ZFHX3: variants seen among roughly 807,000 people sequenced by gnomAD.
ZFHX3 encodes zinc finger homeobox 3, also known as zinc finger homeobox protein 3.
Under a neutral mutation model 279.1 loss-of-function variants are expected in ZFHX3, and 42 were observed. That is an observed-to-expected ratio of 0.15 (90% CI 0.12 to 0.19). The LOEUF is 0.19. Ranked by LOEUF, ZFHX3 falls within the 10% of genes least tolerant of loss-of-function variation. The pLI, the probability that ZFHX3 is intolerant of heterozygous loss-of-function variation, is 1.00. For synonymous variants in ZFHX3, 2,293 were observed against 1,957.8 expected, an observed-to-expected ratio of 1.17 and a Z score of -4.52; for missense variants, 4,981 against 4,754.0, an observed-to-expected ratio of 1.05 and a Z score of -1.40.
intron 3 of ZFHX3, among the ~76,000 whole-genome samples, chr16:73,429,224 G>C (rs374749402): frequency 4.6e-5 from 7 of 152,188 alleles, no homozygotes; most frequent in African/African-American, 1.7e-4. Context: ...AGTAGGTAAA[G>C]TAAGCTATAG....
At chr16:73,823,835 GA>G (rs1463144381) in intron 1 of ZFHX3, among the ~76,000 whole-genome samples, 1 of 152,186 alleles carries the variant, frequency 6.6e-6, no homozygotes, top group Non-Finnish European at 1.5e-5. Flanking sequence ...ACACCTGCAA[GA>G]AACAAACTTG....
intron 2 of ZFHX3, among the ~76,000 whole-genome samples, chr16:73,484,248 A>T (rs1330597154): frequency 6.6e-6 from 1 of 152,132 alleles, no homozygotes; most frequent in East Asian, 1.9e-4. Context: ...GGGTGCAGAG[A>T]ACATCTCTTC....
At chr16:73,350,314 C>T (rs2016214679) in intron 3 of ZFHX3, among the ~76,000 whole-genome samples, 1 of 152,206 alleles carries the variant, frequency 6.6e-6, no homozygotes, top group Admixed American at 6.5e-5. Flanking sequence ...TTCTTGCAGT[C>T]TAATTGGCTG....
intron 3 of ZFHX3, among the ~76,000 whole-genome samples, chr16:73,416,855 C>T (rs1169421172): frequency 6.6e-6 from 1 of 151,626 alleles, no homozygotes; most frequent in East Asian, 1.9e-4. Context: ...GCCTGGGCGA[C>T]AGAGCGAGAC....
intron 1 of ZFHX3, among the ~76,000 whole-genome samples, chr16:73,696,521 G>T (rs2053199108): frequency 6.6e-6 from 1 of 152,152 alleles, no homozygotes; most frequent in Admixed American, 6.5e-5. Context: ...GATATATTAA[G>T]CTATCTCTAA....
intron 1 of ZFHX3, among the ~76,000 whole-genome samples, chr16:72,989,810 A>G (rs1318280614): frequency 1.3e-5 from 2 of 152,228 alleles, no homozygotes; most frequent in Non-Finnish European, 2.9e-5. Flanking sequence ...GTATCAAATT[A>G]TATGTTAATT....
At chr16:73,073,586 C>T (rs1030874695) in intron 8 of ZFHX3, among the ~76,000 whole-genome samples, 1 of 152,168 alleles carries the variant, frequency 6.6e-6, no homozygotes, top group African/African-American at 2.4e-5. Context: ...GCAACCTCCA[C>T]CTCCTGGGTT....
intron 2 of ZFHX3, among the ~76,000 whole-genome samples, chr16:73,660,269 A>T (rs2052767378): frequency 6.6e-6 from 1 of 152,172 alleles, no homozygotes; most frequent in African/African-American, 2.4e-5. Context: ...AAAGCAAAGG[A>T]TTTCTATGGA....
intron 6 of ZFHX3, among the ~76,000 whole-genome samples, chr16:73,142,882 G>T (rs1453599051): frequency 6.6e-6 from 1 of 152,146 alleles, no homozygotes; most frequent in African/African-American, 2.4e-5. Flanking sequence ...CCAGTGATTG[G>T]TCCATATTAA....
intron 2 of ZFHX3, among the ~76,000 whole-genome samples, chr16:73,599,161 A>G (rs2052084778): frequency 6.6e-6 from 1 of 152,220 alleles, no homozygotes. Context: ...GATACAGGTA[A>G]TACCCAGCTT....
intron 1 of ZFHX3, among the ~76,000 whole-genome samples, chr16:73,806,638 A>T (rs1960284253): frequency 6.6e-6 from 1 of 152,206 alleles, no homozygotes; most frequent in Admixed American, 6.5e-5. Flanking sequence ...CCAATGTGCC[A>T]TCCCATGCTA....
chr16:72,880,137 G>A (rs545625959), intron 4 of ZFHX3, among the ~76,000 whole-genome samples: 2 of 152,258 alleles, frequency 1.3e-5, no homozygotes, highest in East Asian at 1.9e-4. Context: ...TGACAGTTCT[G>A]TCCGAGGCGA....
At position 72,871,640 on chromosome 16, in the gene ZFHX3, T is replaced by C. The variant is rs192256104; in HGVS notation, c.3448+18091A>G. Among the ~76,000 whole-genome samples, 52 of 148,856 alleles carry C rather than the reference T, an allele frequency of 3.5e-4. 1 individual carries two copies. Among genetic ancestry groups the C allele is most frequent in the Admixed American group, 3.0e-3 (45 of 14,992 alleles). Reference sequence around the variant, plus strand: ...CAGGTGTGAGCCACCACACCTGGCCTTTTTAAAAATATTTTTAGTAGAGAC... The same window carrying C: ...CAGGTGTGAGCCACCACACCTGGCCCTTTTAAAAATATTTTTAGTAGAGAC... On this transcript the variant is annotated intron_variant, in intron 4 of 9. Transcript: ENST00000268489.
chr16:73,812,986 G>T (rs1355527489), intron 1 of ZFHX3, among the ~76,000 whole-genome samples: 1 of 152,172 alleles, frequency 6.6e-6, no homozygotes, highest in African/African-American at 2.4e-5. Flanking sequence ...GGCATTATCT[G>T]CACTAAGTGG....
chr16:73,218,660 T>C (rs1184273479), intron 5 of ZFHX3, among the ~76,000 whole-genome samples: 4 of 152,092 alleles, frequency 2.6e-5, no homozygotes, highest in Non-Finnish European at 5.9e-5. Flanking sequence ...TCCCAGCTAC[T>C]CAGGAGGCTG....
intron 2 of ZFHX3, among the ~76,000 whole-genome samples, chr16:73,658,348 C>G (rs2052743883): frequency 6.6e-6 from 1 of 152,158 alleles, no homozygotes; most frequent in Non-Finnish European, 1.5e-5. Flanking sequence ...CTCTGTCACC[C>G]AGACTGGAGC....
chr16:73,331,258 T>C (rs1185915472), intron 3 of ZFHX3, among the ~76,000 whole-genome samples: 2 of 152,110 alleles, frequency 1.3e-5, no homozygotes, highest in Non-Finnish European at 2.9e-5. Flanking sequence ...GCCCCCATAA[T>C]CTAATCACCT....
intron 2 of ZFHX3, among the ~76,000 whole-genome samples, chr16:73,551,456 C>A (rs2020203541): frequency 6.6e-6 from 1 of 152,130 alleles, no homozygotes; most frequent in South Asian, 2.1e-4. Context: ...TATTAACTGT[C>A]CTTCTGATAA....
In ZFHX3 at chr16:72,798,140, T is replaced by C; in HGVS notation, c.4542A>G (p.Gln1514=). The change falls in exon 9 of 10, where the codon CAA becomes CAG. Residue 1514 remains glutamine, a synonymous_variant. Transcript: ENST00000268489. ...SPTGSDSGSV[Q]EDSGSEPKRA... ...TCTTTGGCTCTGAGCCCGAGTCTTC[T>C]TGTACTGACCCAGAGTCACTGCCCG... 1 of 1,614,224 alleles carries C rather than the reference T, an allele frequency of 6.2e-7. No homozygotes were observed. The highest frequency in any genetic ancestry group is 8.5e-7 in the Non-Finnish European group (1 of 1,180,048).
Sources: gnomAD v4.1 joint callset for allele counts (sites outside exome capture counted in the v4.1 genomes callset) on GRCh38, gnomAD v4.1.1 for gene constraint, MANE v1.5 for transcripts, NCBI Gene and HGNC (gene_info 2026-07-23, HGNC 2026-07-21) for gene names.